KLHL33: variants seen among roughly 807,000 people sequenced by gnomAD.
KLHL33 encodes kelch like family member 33, also known as kelch-like protein 33.
Under a neutral mutation model 60.8 loss-of-function variants are expected in KLHL33, and 46 were observed. The observed-to-expected ratio is 0.76, with a 90% CI of 0.60 to 0.97. KLHL33 has a LOEUF of 0.97. Ranked by LOEUF, KLHL33 falls within the 50% of genes least tolerant of loss-of-function variation. The pLI is 0.00. For synonymous variants in KLHL33, 434 were observed against 432.2 expected, an observed-to-expected ratio of 1.00 and a Z score of -0.05; for missense variants, 1,055 against 1,000.0, an observed-to-expected ratio of 1.05 and a Z score of -0.74.
chr14:20,429,795 C>G lies in KLHL33; in HGVS notation c.1673G>C (p.Arg558Thr). The change falls in exon 3 of 5, where the codon AGG becomes ACG. Residue 558 changes from arginine to threonine, a missense_variant and splice_region_variant. Physicochemically the swap from Arg to Thr is moderately conservative, Grantham distance 71 (BLOSUM62 -1). Transcript: ENST00000636854. ...CCTGCCCACTCCTAGAAGCTTATACCTGAGAGTTGAAGCCAGGGTGTTGGA... is the reference window on the plus strand; with the variant it reads ...CCTGCCCACTCCTAGAAGCTTATACGTGAGAGTTGAAGCCAGGGTGTTGGA... ...SHSNTLASTL[R>T]WEPSQEDWEE... 6.5e-7 allele frequency: 1 copy of G among 1,531,878 alleles called. No homozygotes were observed. Among genetic ancestry groups the G allele is most frequent in the Non-Finnish European group, 8.8e-7 (1 of 1,136,416 alleles). The allele number at this position is 1,531,878 out of a possible 1,614,324, so 94.9% of individuals were successfully genotyped here.
In KLHL33 at chr14:20,427,431, T is replaced by C. The variant is rs184656462; in HGVS notation, c.*1418A>G. 2 of 152,286 alleles carry C rather than the reference T, an allele frequency of 1.3e-5. No homozygotes were observed. The highest frequency in any genetic ancestry group is 3.9e-4 in the East Asian group (2 of 5,182). 9.4% of individuals were successfully genotyped at this position (152,286 alleles called of 1,614,324 possible). ...GCAGCAGAATTATCTGAAAAGCCTC[T>C]GGAATACCCACTTCCTCTTTGCTAT... On this transcript the variant is annotated 3_prime_UTR_variant, in exon 5 of 5. Transcript: ENST00000636854.
rs1277361708 is a variant in KLHL33, at chr14:20,430,136, T to G, written c.1332A>C (p.Leu444=). ...RELRRVRAAG[L]LPPLTPDLLH... Reference sequence around the variant, plus strand: ...ACAGATCTGGGGTCAGGGGTGGAAGTAGCCCGGCTGCCCGCACCCTCCGCA... The same window carrying G: ...ACAGATCTGGGGTCAGGGGTGGAAGGAGCCCGGCTGCCCGCACCCTCCGCA... The change falls in exon 3 of 5, where the codon CTA becomes CTC. Residue 444 remains leucine (L), a synonymous_variant. Transcript: ENST00000636854. 1.3e-6 allele frequency: 2 copies of G among 1,551,450 alleles called. No homozygotes were observed. The highest frequency in any genetic ancestry group is 2.7e-5 in the African/African-American group (2 of 73,044).
In KLHL33 at chr14:20,430,402, T is replaced by G. The variant is rs1470960110; in HGVS notation, c.1066A>C (p.Ser356Arg). ...GTGAGGAGGTAGTGACGGGCTTTGC[T>G]CCAGAGCCTCTCCAACCCAGGGGCT... ...AEAPGLERLW[S>R]KARHYLLTHL... Residue 356 changes from serine (S) to arginine (R), a missense_variant, in exon 3 of 5, where the codon AGC becomes CGC. Transcript: ENST00000636854. 1 of 1,551,698 alleles carries G rather than the reference T, an allele frequency of 6.4e-7. No individual in the cohort carries two copies. Among genetic ancestry groups the G allele is most frequent in the Non-Finnish European group, 8.7e-7 (1 of 1,146,990 alleles).
Position 20,428,594 on chromosome 14 carries a change from C to T in KLHL33, c.*255G>A, listed in dbSNP as rs1001194308. The stretch of plus-strand genomic sequence containing the variant: ...GCCCTTTCCCTAAGAATCCCTAAGC[C>T]TTGTGGAGTTGCTCCCGAGTCTCCT... On this transcript the variant is annotated 3_prime_UTR_variant, in exon 5 of 5. Coordinates refer to ENST00000636854, the MANE Select transcript of KLHL33 (RefSeq NM_001365790.2). 7 of 474,880 alleles carry T rather than the reference C, an allele frequency of 1.5e-5. No individual in the cohort carries two copies. The highest frequency in any genetic ancestry group is 3.7e-5 in the Admixed American group (1 of 27,306). 29.4% of individuals were successfully genotyped at this position (474,880 alleles called of 1,614,324 possible).
chr14:20,432,355 T>G (rs1008541134), intron 2 of KLHL33, among the ~76,000 whole-genome samples: 1 of 151,946 alleles, frequency 6.6e-6, no homozygotes, highest in Non-Finnish European at 1.5e-5. Flanking sequence ...TCAAGTGATC[T>G]GCCTGCCTCG....
chr14:20,430,701 G>A lies in KLHL33; in HGVS notation c.767C>T (p.Ala256Val). ...GGCCCCAAAGAACTCACTGCCACAG[G>A]CCAGGGCGGCTCGGTGCACTGCAGG... ...CQLSVHRAAL[A>V]CGSEFFGAML... The change falls in exon 3 of 5, where the codon GCC (alanine) becomes GTC (valine). Residue 256 changes from alanine (A) to valine (V), a missense_variant. Physicochemically the swap from Ala to Val is moderately conservative, Grantham distance 64 (BLOSUM62 0). Coordinates refer to ENST00000636854, the MANE Select transcript of KLHL33 (RefSeq NM_001365790.2). 3 of 1,525,144 alleles carry A rather than the reference G, an allele frequency of 2.0e-6. No individual in the cohort carries two copies. Among genetic ancestry groups the A allele is most frequent in the Non-Finnish European group, 2.6e-6 (3 of 1,140,986 alleles). The allele number at this position is 1,525,144 out of a possible 1,614,324, so 94.5% of individuals were successfully genotyped here.
In KLHL33 at chr14:20,429,048, A is replaced by C; in HGVS notation, c.2195T>G (p.Leu732Arg). ...ACGGTGACTGTAGCCCCCGAGCACC[A>C]GTAGCTCCCCCTGCAGCACAGCACT... ...AASAVLQGEL[L>R]VLGGYSHRTY... The change falls in exon 5 of 5, where the codon CTG becomes CGG. Residue 732 changes from leucine to arginine, a missense_variant. Transcript: ENST00000636854. The C allele has an allele frequency of 1.3e-6, 2 of 1,551,732 alleles. No individual in the cohort carries two copies. The highest frequency in any genetic ancestry group is 1.7e-4 in the Middle Eastern group (1 of 5,992).
At chr14:20,435,026 A>G in intron 2 of KLHL33, 38 bp downstream of exon 2, 1 of 1,231,372 alleles carries the variant, frequency 8.1e-7, no homozygotes, top group Non-Finnish European at 1.0e-6. Context: ...CCGTTAGCAT[A>G]TGCACCTGCA....
intron 2 of KLHL33, 72 bp from the exon 3 acceptor site, chr14:20,430,791 T>TACTCTCAGTTTGGCCAA: frequency 9.6e-7 from 1 of 1,041,746 alleles, no homozygotes; most frequent in Non-Finnish European, 1.4e-6. Context: ...CCCAACTTGG[T>TACTCTCAGTTTGGCCAA]ACTCTAAGTT....
chr14:20,432,581 A>C lies in KLHL33; in HGVS notation c.749-1862T>G, dbSNP rs1383189333. Among the ~76,000 whole-genome samples, 58 of 152,178 alleles carry C rather than the reference A, an allele frequency of 3.8e-4. 2 individuals carry two copies. Among genetic ancestry groups the C allele is most frequent in the Admixed American group, 3.7e-3 (57 of 15,268 alleles). On this transcript the variant is annotated intron_variant, in intron 2 of 4. Transcript: ENST00000636854. The stretch of plus-strand genomic sequence containing the variant: ...GGGTTGAACAAACTCACTTTAAAAA[A>C]TGTTTTTTGGACAACTGGGAAAATA...
chr14:20,429,662 G>A lies in KLHL33; in HGVS notation c.1681C>T (p.Pro561Ser), dbSNP rs1329741990. The change falls in exon 4 of 5, where the codon CCC becomes TCC. Residue 561 changes from proline (P) to serine (S), a missense_variant. By Grantham distance (74) the Pro-to-Ser change is moderately conservative. Coordinates refer to ENST00000636854, the MANE Select transcript of KLHL33 (RefSeq NM_001365790.2). ...ATCTCCTCCCAGTCCTCTTGACTGGGCTCCCACCTGGACACAGTAGGACAA... is the reference window on the plus strand; with the variant it reads ...ATCTCCTCCCAGTCCTCTTGACTGGACTCCCACCTGGACACAGTAGGACAA... ...NTLASTLRWE[P>S]SQEDWEEMAP... 2 of 1,551,576 alleles carry A rather than the reference G, an allele frequency of 1.3e-6. No homozygotes were observed. The highest frequency in any genetic ancestry group is 1.2e-5 in the South Asian group (1 of 84,036).
At position 20,430,039 on chromosome 14, in the gene KLHL33, C is replaced by A; in HGVS notation, c.1429G>T (p.Val477Leu). 1 of 1,551,786 alleles carries A rather than the reference C, an allele frequency of 6.4e-7. No individual in the cohort carries two copies. Among genetic ancestry groups the A allele is most frequent in the Middle Eastern group, 1.7e-4 (1 of 5,992 alleles). Residue 477 changes from valine (V) to leucine (L), a missense_variant, in exon 3 of 5, where the codon GTG becomes TTG. Physicochemically the swap from Val to Leu is conservative, Grantham distance 32 (BLOSUM62 1). Transcript: ENST00000636854. ...RRREPDRALV[V>L]IGGDGLRPDM... ...GGTCTGAGCCCATCCCCGCCAATCA[C>A]TACCAGTGCCCGGTCAGGCTCCCTC...
In KLHL33 at chr14:20,435,686, G is replaced by T. The variant is rs878944984; in HGVS notation, c.126C>A (p.Asp42Glu). ...GAAAGGAAGGCAATCTGGGATCCTC[G>T]TCGGGGGAGGGAGGCCAGGAAGGGG... ...QRTPSWPPSP[D>E]EDPRLPSFPL... The change falls in exon 2 of 5, where the codon GAC becomes GAA. Residue 42 changes from aspartate to glutamate, a missense_variant. Asp to Glu is a conservative substitution (Grantham distance 45, BLOSUM62 2). Transcript: ENST00000636854. The T allele has an allele frequency of 3.2e-6, 4 of 1,234,934 alleles. No homozygotes were observed. The highest frequency in any genetic ancestry group is 4.0e-6 in the Non-Finnish European group (4 of 988,584). The allele number at this position is 1,234,934 out of a possible 1,614,324, so 76.5% of individuals were successfully genotyped here.
chr14:20,429,215 G>A lies in KLHL33; in HGVS notation c.2028C>T (p.Val676=). The change falls in exon 5 of 5, where the codon GTC becomes GTT. Residue 676 remains valine, a synonymous_variant. Coordinates refer to ENST00000636854, the MANE Select transcript of KLHL33 (RefSeq NM_001365790.2). ...ACAACCTCCCACCCAATGCAGCCAT[G>A]ACATGGCCAGCCCGAGGTACCCCCA... ...SPMGVPRAGH[V]MAALGGRLYV... 1 of 1,551,638 alleles carries A rather than the reference G, an allele frequency of 6.4e-7. No homozygotes were observed. Among genetic ancestry groups the A allele is most frequent in the Non-Finnish European group, 8.7e-7 (1 of 1,146,962 alleles).
At position 20,430,317 on chromosome 14, in the gene KLHL33, G is replaced by C; in HGVS notation, c.1151C>G (p.Ala384Gly). 6.4e-7 allele frequency: 1 copy of C among 1,551,852 alleles called. No homozygotes were observed. Residue 384 changes from alanine to glycine, a missense_variant, in exon 3 of 5, where the codon GCT becomes GGT. Coordinates refer to ENST00000636854, the MANE Select transcript of KLHL33 (RefSeq NM_001365790.2). ...GAGCTCATCACTATCCAGGAGCTCA[G>C]CCAAGCAGGCAGCTGGTAAAGAAGG... ...AFPSLPAACL[A>G]ELLDSDELHV... is the part of the protein sequence containing the mutation.
chr14:20,435,301 C>A lies in KLHL33; in HGVS notation c.511G>T (p.Gly171Trp), dbSNP rs565770200. 359 of 1,234,424 alleles carry A rather than the reference C, an allele frequency of 2.9e-4. No individual in the cohort carries two copies. The highest frequency in any genetic ancestry group is 1.9e-3 in the Middle Eastern group (9 of 4,832). The allele number at this position is 1,234,424 out of a possible 1,614,324, so 76.5% of individuals were successfully genotyped here. A position where few individuals can be genotyped will look rare whatever the true frequency, so the allele number is the denominator to read the frequency against. The change falls in exon 2 of 5, where the codon GGG becomes TGG. Residue 171 changes from glycine (G) to tryptophan (W), a missense_variant. Gly to Trp is a radical substitution (Grantham distance 184). Transcript: ENST00000636854. ...WEAVLTFAYE[G>W]VLGPASQGDV... is the part of the protein sequence containing the mutation. ...CCCTGCGAGGCGGGGCCCAGCACCC[C>A]CTCATAGGCAAAGGTCAGCACGGCC...
intron 2 of KLHL33, among the ~76,000 whole-genome samples, chr14:20,432,374 A>G (rs1880534350): frequency 6.6e-6 from 1 of 151,994 alleles, no homozygotes; most frequent in African/African-American, 2.4e-5. Flanking sequence ...CGGCCTCCCA[A>G]AGTGTTGGGA....
intron 2 of KLHL33, among the ~76,000 whole-genome samples, chr14:20,433,037 G>A (rs967495275): frequency 6.6e-6 from 1 of 152,104 alleles, no homozygotes; most frequent in Admixed American, 6.5e-5. Flanking sequence ...TTATGGTTAT[G>A]AGAAAATGTC....
intron 2 of KLHL33, among the ~76,000 whole-genome samples, chr14:20,432,964 A>AAGAAAGAAAGAAAGAAAGAAAGAAAGAG (rs1566501876): frequency 2.0e-5 from 3 of 151,550 alleles, no homozygotes; most frequent in African/African-American, 7.3e-5. Flanking sequence ...GAAAGAAAGA[A>AAGAAAGAAAGAAAGAAAGAAAGAAAGAG]AGAAAGAAAG....
Sources: gnomAD v4.1 joint callset for allele counts (sites outside exome capture counted in the v4.1 genomes callset) on GRCh38, gnomAD v4.1.1 for gene constraint, MANE v1.5 for transcripts, NCBI Gene and HGNC (gene_info 2026-07-23, HGNC 2026-07-21) for gene names.